Variants in DLGAP2 observed in about 807,000 individuals in gnomAD.
DLGAP2 encodes the protein DLG associated protein 2, also known as disks large-associated protein 2.
DLGAP2 carries 26 observed loss-of-function variants against 100.3 expected under a neutral mutation model. The ratio of observed to expected loss-of-function variants is 0.26; its 90% CI spans 0.19 to 0.36. The LOEUF (loss-of-function observed/expected upper bound fraction) is 0.36, where lower values mean the gene tolerates loss of function less well. Among genes scored for constraint, DLGAP2 ranks in the 10% least tolerant of loss-of-function variants. The probability of loss-of-function intolerance (pLI) is 1.00; values close to 1 mark genes in which losing one functional copy is unlikely to be tolerated. For missense variants in DLGAP2, 1,858 were observed against 1,453.2 expected (o/e 1.28, Z -4.53); for synonymous variants, 886 against 630.1 (o/e 1.41, Z -6.08).
intron 2 of DLGAP2, among the ~76,000 whole-genome samples, chr8:1,189,917 G>GC (rs1797597240): frequency 2.0e-5 from 3 of 152,294 alleles, no homozygotes; most frequent in Non-Finnish European, 4.4e-5. Flanking sequence ...TTGGGTGCCA[G>GC]GAAAGGAGGT....
At chr8:832,278 C>T (rs375020227) in intron 1 of DLGAP2, among the ~76,000 whole-genome samples, 3 of 152,088 alleles carry the variant, frequency 2.0e-5, no homozygotes, top group East Asian at 1.9e-4. Flanking sequence ...TTAGTCATGA[C>T]GTCCTTGCCC....
intron 2 of DLGAP2, among the ~76,000 whole-genome samples, chr8:1,245,614 T>A (rs2116868135): frequency 6.6e-6 from 1 of 152,322 alleles, no homozygotes; most frequent in South Asian, 2.1e-4. Context: ...CCGAAGGGCA[T>A]GGATTTATTT....
intron 1 of DLGAP2, among the ~76,000 whole-genome samples, chr8:762,651 T>C (rs1306876657): frequency 1.3e-5 from 2 of 152,030 alleles, no homozygotes; most frequent in East Asian, 3.9e-4. Flanking sequence ...CTGAATACAT[T>C]TAAAGGAAGA....
chr8:1,106,683 T>C (rs1187736049), intron 2 of DLGAP2, among the ~76,000 whole-genome samples: 2 of 150,388 alleles, frequency 1.3e-5, no homozygotes, highest in Non-Finnish European at 3.0e-5. Context: ...TAGGAGGGTT[T>C]TCTACTGAAG....
chr8:1,481,111 G>T (rs571065806), intron 3 of DLGAP2, among the ~76,000 whole-genome samples: 3 of 152,252 alleles, frequency 2.0e-5, no homozygotes, highest in South Asian at 2.1e-4. Flanking sequence ...GGCGGAGCTT[G>T]CAGTGAGCCA....
intron 2 of DLGAP2, among the ~76,000 whole-genome samples, chr8:1,099,291 A>G (rs2600511): frequency 0.85 from 129,291 of 152,198 alleles, 55,237 homozygotes; most frequent in African/African-American, 0.91. Context: ...CACATTCACA[A>G]CAATGAAAAG....
At chr8:834,132 C>T (rs980879234) in intron 1 of DLGAP2, among the ~76,000 whole-genome samples, 3 of 152,300 alleles carry the variant, frequency 2.0e-5, no homozygotes, top group African/African-American at 7.2e-5. Context: ...ACAGCAAGCT[C>T]GTCTCAGGAT....
chr8:1,066,666 G>C (rs981095377), intron 2 of DLGAP2, among the ~76,000 whole-genome samples: 3 of 152,212 alleles, frequency 2.0e-5, no homozygotes, highest in East Asian at 3.9e-4. Flanking sequence ...GGGCAGGTCT[G>C]AGTGAGGACA....
At chr8:1,687,464 C>T (rs117949402) in intron 12 of DLGAP2, among the ~76,000 whole-genome samples, 6,151 of 152,246 alleles carry the variant, frequency 0.04, 196 homozygotes, top group Non-Finnish European at 0.054. Context: ...TTCACTTCAA[C>T]TTCTTTGCAA....
intron 2 of DLGAP2, among the ~76,000 whole-genome samples, chr8:1,108,326 C>A (rs1401529749): frequency 6.6e-6 from 1 of 152,186 alleles, no homozygotes; most frequent in Non-Finnish European, 1.5e-5. Context: ...TGAAAGTTAA[C>A]CACTTTCAGC....
intron 2 of DLGAP2, among the ~76,000 whole-genome samples, chr8:968,785 C>T (rs1405374270): frequency 1.3e-5 from 2 of 152,140 alleles, no homozygotes; most frequent in Non-Finnish European, 2.9e-5. Flanking sequence ...CAGTAGGGTT[C>T]CTGGAAGCTG....
chr8:1,145,525 C>T (rs1033832597), intron 2 of DLGAP2, among the ~76,000 whole-genome samples: 2 of 152,180 alleles, frequency 1.3e-5, no homozygotes, highest in Non-Finnish European at 2.9e-5. Context: ...CCTCCTTCCA[C>T]TTCTCTCCTC....
chr8:1,006,058 G>A (rs181301009), intron 2 of DLGAP2, among the ~76,000 whole-genome samples: 195 of 152,086 alleles, frequency 1.3e-3, no homozygotes, highest in African/African-American at 4.2e-3. Context: ...GTGTGGTGGC[G>A]GGCACCTGTA....
At chr8:1,456,743 G>A (rs1447092087) in intron 3 of DLGAP2, among the ~76,000 whole-genome samples, 2 of 152,240 alleles carry the variant, frequency 1.3e-5, no homozygotes, top group African/African-American at 2.4e-5. Context: ...GTCGTTGGAC[G>A]TCAGCAGGCT....
intron 1 of DLGAP2, among the ~76,000 whole-genome samples, chr8:761,991 A>G (rs1469018702): frequency 6.6e-6 from 1 of 152,216 alleles, no homozygotes; most frequent in Admixed American, 6.5e-5. Context: ...GGAACTGATG[A>G]ACCCGCCTCG....
At chr8:834,476 A>G (rs4735940) in intron 1 of DLGAP2, among the ~76,000 whole-genome samples, 151,173 of 152,358 alleles carry the variant, frequency 0.99, 75,014 homozygotes, top group Non-Finnish European at 1. Context: ...CATTTTTGAT[A>G]AACAGAATTA....
At chr8:1,080,115 C>G (rs914581526) in intron 2 of DLGAP2, among the ~76,000 whole-genome samples, 1 of 152,212 alleles carries the variant, frequency 6.6e-6, no homozygotes, top group African/African-American at 2.4e-5. Flanking sequence ...GCCATGTGGC[C>G]GTGCTGCAGG....
chr8:941,094 A>G (rs1799185808), intron 2 of DLGAP2, among the ~76,000 whole-genome samples: 1 of 152,132 alleles, frequency 6.6e-6, no homozygotes, highest in South Asian at 2.1e-4. Flanking sequence ...ACCAGAGAAC[A>G]GGCCCTTTCC....
chr8:1,325,680 A>T (rs536058363), intron 3 of DLGAP2, among the ~76,000 whole-genome samples: 21 of 152,320 alleles, frequency 1.4e-4, no homozygotes, highest in African/African-American at 5.1e-4. Flanking sequence ...GGTTCTCATT[A>T]TTCCTCTCGC....
Sources: allele counts gnomAD v4.1 joint callset (sites outside exome capture counted in the v4.1 genomes callset), GRCh38; gene constraint gnomAD v4.1.1; transcripts MANE v1.5; gene names NCBI Gene and HGNC (gene_info 2026-07-23, HGNC 2026-07-21).